Variants in DOCK8 observed in about 807,000 individuals in gnomAD.
DOCK8 encodes the protein dedicator of cytokinesis protein 8.
In DOCK8, 141 loss-of-function variants were observed where a neutral mutation model predicts 245.6. The ratio of observed to expected loss-of-function variants is 0.57; its 90% confidence interval spans 0.50 to 0.66. DOCK8 has a LOEUF of 0.66. Ranked by LOEUF, DOCK8 falls within the 30% of genes least tolerant of loss-of-function variation. The pLI is 0.00. For synonymous variants in DOCK8, 1,168 were observed against 970.2 expected, an observed-to-expected ratio of 1.20 and a Z score of -3.79; for missense variants, 2,965 against 2,603.4, an observed-to-expected ratio of 1.14 and a Z score of -3.02.
intron 14 of DOCK8, among the ~76,000 whole-genome samples, chr9:364,358 C>A (rs1003367677): frequency 2.6e-5 from 4 of 152,098 alleles, no homozygotes; most frequent in Admixed American, 2.6e-4. Flanking sequence ...TGTGGCTGGG[C>A]ATAGTGACTT....
chr9:214,496 A>G (rs2046684914), upstream of DOCK8: 7 of 1,610,834 alleles, frequency 4.3e-6, no homozygotes, highest in African/African-American at 1.3e-5. Context: ...TCAACCCTTA[A>G]TAACACCTAG....
chr9:403,452 T>C (rs1564020338), intron 26 of DOCK8, among the ~76,000 whole-genome samples: 1 of 152,214 alleles, frequency 6.6e-6, no homozygotes, highest in Non-Finnish European at 1.5e-5. Context: ...AGAAGTCATA[T>C]GTTTTGGTTT....
chr9:215,663 A>G, intron 1 of DOCK8: 1 of 392,182 alleles, frequency 2.5e-6, no homozygotes, highest in Non-Finnish European at 4.6e-6. Flanking sequence ...TGTGGCTGAC[A>G]TTTTGAGATT....
At chr9:454,076 A>G (rs1188874283) in intron 46 of DOCK8, among the ~76,000 whole-genome samples, 1 of 152,246 alleles carries the variant, frequency 6.6e-6, no homozygotes, top group East Asian at 1.9e-4. Context: ...GACTATAAAG[A>G]TCAGAAAAGA....
chr9:378,470 T>C (rs66778734), intron 20 of DOCK8, among the ~76,000 whole-genome samples: 2,356 of 152,332 alleles, frequency 0.015, 67 homozygotes, highest in African/African-American at 0.052. Context: ...CTCACTCTGC[T>C]TTGCACCCTG....
chr9:405,781 A>C (rs1031076895), intron 27 of DOCK8, among the ~76,000 whole-genome samples: 4 of 152,228 alleles, frequency 2.6e-5, no homozygotes, highest in Non-Finnish European at 5.9e-5. Context: ...ATTGAAAAAA[A>C]AATCTTAGCC....
intron 33 of DOCK8, among the ~76,000 whole-genome samples, chr9:423,453 G>A (rs2131663349): frequency 6.6e-6 from 1 of 152,278 alleles, no homozygotes; most frequent in East Asian, 1.9e-4. Flanking sequence ...TACCCCATGG[G>A]TGATGAAGCA....
At chr9:249,893 G>A (rs753839746) in intron 1 of DOCK8, among the ~76,000 whole-genome samples, 5 of 151,966 alleles carry the variant, frequency 3.3e-5, no homozygotes, top group Admixed American at 6.6e-5. Context: ...ATCCCAAAGT[G>A]CTGGGATTAC....
At chr9:362,996 A>G (rs549490441) in intron 14 of DOCK8, among the ~76,000 whole-genome samples, 5 of 152,338 alleles carry the variant, frequency 3.3e-5, no homozygotes, top group East Asian at 3.9e-4. Flanking sequence ...AGACTCCACA[A>G]GTTAACCCCC....
chr9:348,486 G>A (rs566337546), intron 14 of DOCK8, among the ~76,000 whole-genome samples: 1 of 152,306 alleles, frequency 6.6e-6, no homozygotes, highest in South Asian at 2.1e-4. Flanking sequence ...ACAGTGACGA[G>A]TGTCATTTTT....
rs369924376 is a variant in DOCK8, at chr9:463,514, C to G, written c.6069-3C>G. Reference sequence around the variant, plus strand: ...TTCTCCCACACTGATATTTTCATCTCAGATGTGGTGAAGCTGTAGAGAAAA... The same window carrying G: ...TTCTCCCACACTGATATTTTCATCTGAGATGTGGTGAAGCTGTAGAGAAAA... On this transcript the variant is annotated splice_region_variant and splice_polypyrimidine_tract_variant and intron_variant, in intron 46 of 47. Coordinates refer to ENST00000432829, the MANE Select transcript of DOCK8 (RefSeq NM_203447.4). The G allele has an allele frequency of 1.2e-6, 2 of 1,614,042 alleles. No individual in the cohort carries two copies. The highest frequency in any genetic ancestry group is 1.3e-5 in the African/African-American group (1 of 74,912).
chr9:400,802 T>TCCA (rs1368604259), intron 26 of DOCK8, among the ~76,000 whole-genome samples: 2 of 36,660 alleles, frequency 5.5e-5, no homozygotes, highest in Admixed American at 6.4e-4. Flanking sequence ...CACCACCACC[T>TCCA]CCACCATCAC....
At chr9:356,529 CA>C (rs71482278) in intron 14 of DOCK8, among the ~76,000 whole-genome samples, 74 of 130,098 alleles carry the variant, frequency 5.7e-4, no homozygotes, top group African/African-American at 5.0e-4. Context: ...GACTCTGTCT[CA>C]AAAAAAAAAA....
intron 14 of DOCK8, among the ~76,000 whole-genome samples, chr9:360,292 G>C (rs2052661029): frequency 6.6e-6 from 1 of 150,442 alleles, no homozygotes; most frequent in African/African-American, 2.5e-5. Context: ...CTCCAGCCTG[G>C]GCAACAGAGC....
chr9:272,991 C>A lies in DOCK8; in HGVS notation c.156+1262C>A, dbSNP rs899068406. ...TACTTTTTGTTTCTACTTATTACTTCGAAACCACTTCTGCCTTAGAAATTT... is the reference window on the plus strand; with the variant it reads ...TACTTTTTGTTTCTACTTATTACTTAGAAACCACTTCTGCCTTAGAAATTT... On this transcript the variant is annotated intron_variant, in intron 2 of 47. Coordinates refer to ENST00000432829, the MANE Select transcript of DOCK8 (RefSeq NM_203447.4). The A allele has an allele frequency of 4.1e-6, 4 of 974,974 alleles. No homozygotes were observed. The East Asian group carries it at 3.4e-4, about 83-fold the overall frequency. 60.4% of individuals were successfully genotyped at this position (974,974 alleles called of 1,614,324 possible).
chr9:261,535 G>C (rs538611272), intron 1 of DOCK8, among the ~76,000 whole-genome samples: 1 of 152,138 alleles, frequency 6.6e-6, no homozygotes, highest in Non-Finnish European at 1.5e-5. Context: ...CGGGGATATG[G>C]TCAATATGTA....
intron 4 of DOCK8, among the ~76,000 whole-genome samples, chr9:296,774 T>G (rs1025243297): frequency 6.6e-6 from 1 of 152,206 alleles, no homozygotes; most frequent in African/African-American, 2.4e-5. Context: ...CATCAGCCTA[T>G]GTGGTAACAA....
intron 1 of DOCK8, among the ~76,000 whole-genome samples, chr9:238,278 A>C (rs938229347): frequency 2.6e-5 from 4 of 152,218 alleles, no homozygotes; most frequent in African/African-American, 9.6e-5. Context: ...GTTCAACATC[A>C]TAGGACCAAA....
At chr9:304,750 T>A (rs953889249) in intron 5 of DOCK8, 46 bp downstream of exon 5, 1 of 1,613,134 alleles carries the variant, frequency 6.2e-7, no homozygotes, top group Non-Finnish European at 8.5e-7. Context: ...TGGGCTCTTC[T>A]GCCCAGGGCA....
Sources: gnomAD v4.1 joint callset for allele counts (sites outside exome capture counted in the v4.1 genomes callset) on GRCh38, gnomAD v4.1.1 for gene constraint, MANE v1.5 for transcripts, NCBI Gene and HGNC (gene_info 2026-07-23, HGNC 2026-07-21) for gene names.